Variants in VPS13B observed in about 807,000 individuals in gnomAD.
VPS13B encodes the protein intermembrane lipid transfer protein VPS13B.
VPS13B carries 285 observed loss-of-function variants against 426.4 expected under a neutral mutation model. The ratio of observed to expected loss-of-function variants is 0.67; its 90% CI spans 0.61 to 0.74. The LOEUF (loss-of-function observed/expected upper bound fraction) is 0.74, where lower values mean the gene tolerates loss of function less well. Among genes scored for constraint, VPS13B ranks in the 30% least tolerant of loss-of-function variants. The probability of loss-of-function intolerance (pLI) is 0.00; values close to 1 mark genes in which losing one functional copy is unlikely to be tolerated. For synonymous variants in VPS13B, 1,676 were observed against 1,676.4 expected (o/e 1.00, Z 0.01); for missense variants, 4,537 against 4,782.6 (o/e 0.95, Z 1.51).
rs1026662842 is a variant in VPS13B, at chr8:99,215,715, T to C, written c.2515+22658T>C. 1.1e-4 allele frequency among the ~76,000 whole-genome samples: 17 copies of C among 152,282 alleles called. 1 individual carries two copies. The highest frequency in any genetic ancestry group is 6.8e-3 in the Middle Eastern group (2 of 294). Reference sequence around the variant, plus strand: ...GCCCATTCAGTGCCCAAGGTTTTCGTTGGGGGCTGGTCATATAAACAACCT... The same window carrying C: ...GCCCATTCAGTGCCCAAGGTTTTCGCTGGGGGCTGGTCATATAAACAACCT... On this transcript the variant is annotated intron_variant, in intron 17 of 61. Transcript: ENST00000357162.
intron 40 of VPS13B, among the ~76,000 whole-genome samples, chr8:99,775,665 A>T (rs1811705821): frequency 6.6e-6 from 1 of 152,214 alleles, no homozygotes; most frequent in Admixed American, 6.5e-5. Flanking sequence ...TGGGAGGCCA[A>T]GGCGGGTGGA....
At chr8:99,767,201 C>T (rs944098531) in intron 40 of VPS13B, among the ~76,000 whole-genome samples, 23 of 151,822 alleles carry the variant, frequency 1.5e-4, no homozygotes, top group African/African-American at 5.3e-4. Context: ...TCACTAAGAA[C>T]CTGTTCCTTA....
At chr8:99,708,590 T>C (rs1832582007) in intron 36 of VPS13B, among the ~76,000 whole-genome samples, 1 of 152,152 alleles carries the variant, frequency 6.6e-6, no homozygotes, top group African/African-American at 2.4e-5. Context: ...AATAGAAATC[T>C]CACCTATGAG....
chr8:99,870,956 C>T, intron 60 of VPS13B, 69 bp downstream of exon 60: 1 of 1,498,228 alleles, frequency 6.7e-7, no homozygotes, highest in Non-Finnish European at 9.2e-7. Context: ...GGCTTGCTCT[C>T]AAGCTAATGG....
chr8:99,028,166 C>T (rs1241059859), intron 2 of VPS13B, among the ~76,000 whole-genome samples: 1 of 152,102 alleles, frequency 6.6e-6, no homozygotes, highest in African/African-American at 2.4e-5. Context: ...CCCACCCTTC[C>T]CGCCTTTCTA....
At chr8:99,224,173 G>C (rs569622075) in intron 17 of VPS13B, among the ~76,000 whole-genome samples, 1 of 152,282 alleles carries the variant, frequency 6.6e-6, no homozygotes, top group South Asian at 2.1e-4. Flanking sequence ...GCATGACTGA[G>C]ATGTGCTTGT....
chr8:99,378,591 G>C (rs879865190), intron 19 of VPS13B, among the ~76,000 whole-genome samples: 4 of 152,118 alleles, frequency 2.6e-5, no homozygotes, highest in Non-Finnish European at 5.9e-5. Flanking sequence ...TATTAATTTG[G>C]AGAACTAACA....
At chr8:99,418,429 T>C (rs1816158353) in intron 21 of VPS13B, among the ~76,000 whole-genome samples, 1 of 151,904 alleles carries the variant, frequency 6.6e-6, no homozygotes, top group Non-Finnish European at 1.5e-5. Flanking sequence ...GCAATAGATA[T>C]ATGAACAGTT....
At chr8:99,846,844 G>C (rs182568600) in intron 54 of VPS13B, among the ~76,000 whole-genome samples, 123 of 152,314 alleles carry the variant, frequency 8.1e-4, no homozygotes, top group African/African-American at 2.3e-3. Context: ...GAAGAGAACA[G>C]TAAATATTTC....
chr8:99,057,023 CATTGTT>C (rs1285423342), intron 3 of VPS13B, among the ~76,000 whole-genome samples: 1 of 151,638 alleles, frequency 6.6e-6, no homozygotes, highest in African/African-American at 2.4e-5. Context: ...TTTGATTGTT[CATTGTT>C]AAGTTATAGA....
chr8:99,542,690 T>C (rs1305507933), intron 30 of VPS13B, among the ~76,000 whole-genome samples: 1 of 152,142 alleles, frequency 6.6e-6, no homozygotes, highest in Non-Finnish European at 1.5e-5. Flanking sequence ...GTTTGAACCA[T>C]TTTGGGAGAA....
chr8:99,265,529 A>G (rs1818250906), intron 17 of VPS13B, among the ~76,000 whole-genome samples: 1 of 152,108 alleles, frequency 6.6e-6, no homozygotes, highest in Admixed American at 6.6e-5. Context: ...TGTATCTCAT[A>G]TTCCTTAGTT....
chr8:99,042,135 C>T (rs917470878), intron 3 of VPS13B, among the ~76,000 whole-genome samples: 11 of 149,476 alleles, frequency 7.4e-5, no homozygotes, highest in Admixed American at 7.3e-4. Flanking sequence ...AGTGAAACTC[C>T]ATCTCAAAAA....
chr8:99,389,005 TG>T (rs1814278529), intron 20 of VPS13B, among the ~76,000 whole-genome samples: 1 of 151,888 alleles, frequency 6.6e-6, no homozygotes, highest in South Asian at 2.1e-4. Flanking sequence ...AAACGTTAGC[TG>T]GGCGCAGTGG....
chr8:99,793,394 C>T (rs1401592631), intron 43 of VPS13B, among the ~76,000 whole-genome samples: 4 of 151,302 alleles, frequency 2.6e-5, no homozygotes, highest in East Asian at 3.9e-4. Context: ...CAGAGGAAAA[C>T]AACGCATTAC....
At chr8:99,068,749 C>A (rs1844687671) in intron 3 of VPS13B, among the ~76,000 whole-genome samples, 1 of 152,156 alleles carries the variant, frequency 6.6e-6, no homozygotes, top group African/African-American at 2.4e-5. Flanking sequence ...GCCATTAAAT[C>A]TCATGAGAAC....
chr8:99,380,660 T>G (rs1280240479), intron 19 of VPS13B, among the ~76,000 whole-genome samples: 3 of 152,074 alleles, frequency 2.0e-5, no homozygotes, highest in Non-Finnish European at 2.9e-5. Flanking sequence ...AAAAGATAAA[T>G]TTCTTTTTCT....
intron 22 of VPS13B, among the ~76,000 whole-genome samples, chr8:99,436,187 A>C (rs1403207833): frequency 6.6e-6 from 1 of 152,180 alleles, no homozygotes; most frequent in Non-Finnish European, 1.5e-5. Flanking sequence ...CTAGATGTTA[A>C]CTATGTGCTT....
At chr8:99,158,721 T>C (rs1454378401) in intron 15 of VPS13B, among the ~76,000 whole-genome samples, 1 of 152,208 alleles carries the variant, frequency 6.6e-6, no homozygotes, top group Non-Finnish European at 1.5e-5. Flanking sequence ...TTTAAGCCTG[T>C]GGAGACCTAC....
Sources: allele counts gnomAD v4.1 joint callset (sites outside exome capture counted in the v4.1 genomes callset), GRCh38; gene constraint gnomAD v4.1.1; transcripts MANE v1.5; gene names NCBI Gene and HGNC (gene_info 2026-07-23, HGNC 2026-07-21).